OTUD7A: variants seen among roughly 807,000 people sequenced by gnomAD.
OTUD7A encodes OTU domain-containing protein 7A.
In OTUD7A, 12 loss-of-function variants were observed where a neutral mutation model predicts 65.7. The observed-to-expected ratio is 0.18, with a 90% confidence interval of 0.12 to 0.30. The LOEUF is 0.30. Among genes scored for constraint, OTUD7A ranks in the 10% least tolerant of loss-of-function variants. The pLI, the probability that OTUD7A is intolerant of heterozygous loss-of-function variation, is 1.00. For synonymous variants in OTUD7A, 641 were observed against 586.3 expected (o/e 1.09, Z -1.35); for missense variants, 1,148 against 1,304.8 (o/e 0.88, Z 1.85).
intron 4 of OTUD7A, among the ~76,000 whole-genome samples, chr15:31,566,186 A>G (rs971865665): frequency 4.4e-5 from 6 of 136,820 alleles, no homozygotes; most frequent in Non-Finnish European, 9.1e-5. Flanking sequence ...GTGAGACTCC[A>G]TCTCAAAAGA....
In OTUD7A at chr15:31,570,061, C is replaced by T; in HGVS notation, c.288G>A (p.Lys96=). The change falls in exon 4 of 13, where the codon AAG becomes AAA. Residue 96 remains lysine, a synonymous_variant. Coordinates refer to ENST00000307050, the MANE Select transcript of OTUD7A (RefSeq NM_001382637.1). ...GCCTCTGCAGGCAGGGTCGCTCCAC[C>T]TTGTGCCCGGGCTGTGGCTCTCGCT... ...QPEREPQPGH[K]VERPCLQRQD... is the part of the protein sequence containing the mutation. 1 of 1,614,222 alleles carries T rather than the reference C, an allele frequency of 6.2e-7. No homozygotes were observed.
At chr15:31,656,845 G>C (rs906137414) in intron 2 of OTUD7A, 138 bp downstream of exon 2, 1 of 152,202 alleles carries the variant, frequency 6.6e-6, no homozygotes, top group African/African-American at 2.4e-5. Flanking sequence ...TAACGTGCAA[G>C]ACCCTGAGGA....
At chr15:31,576,967 C>G (rs1889221628) in intron 3 of OTUD7A, among the ~76,000 whole-genome samples, 1 of 152,064 alleles carries the variant, frequency 6.6e-6, no homozygotes, top group East Asian at 1.9e-4. Flanking sequence ...CACAACAGAC[C>G]AGCATTAACA....
At chr15:31,499,041 C>A (rs553294942) in intron 10 of OTUD7A, among the ~76,000 whole-genome samples, 1 of 152,078 alleles carries the variant, frequency 6.6e-6, no homozygotes, top group African/African-American at 2.4e-5. Context: ...GAGAGGCACT[C>A]GATGAGAAGT....
intron 3 of OTUD7A, among the ~76,000 whole-genome samples, chr15:31,633,806 C>A (rs1469988226): frequency 2.6e-5 from 4 of 152,180 alleles, no homozygotes; most frequent in Non-Finnish European, 5.9e-5. Context: ...CCCTCAGAGC[C>A]CACACTCCAT....
intron 8 of OTUD7A, among the ~76,000 whole-genome samples, chr15:31,510,089 T>C (rs1283390205): frequency 6.6e-6 from 1 of 152,012 alleles, no homozygotes; most frequent in Non-Finnish European, 1.5e-5. Flanking sequence ...CCTGTTTTTT[T>C]TTTTTTTCCC....
At chr15:31,582,059 A>G (rs1261122710) in intron 3 of OTUD7A, among the ~76,000 whole-genome samples, 1 of 152,298 alleles carries the variant, frequency 6.6e-6, no homozygotes, top group Non-Finnish European at 1.5e-5. Flanking sequence ...TTTGCTACTC[A>G]GAAATTTCGT....
chr15:31,749,341 C>T (rs1008053704), intron 1 of OTUD7A, among the ~76,000 whole-genome samples: 1 of 152,084 alleles, frequency 6.6e-6, no homozygotes, highest in East Asian at 1.9e-4. Context: ...AGTGAGCTCT[C>T]GTACACTGCT....
chr15:31,595,582 G>A (rs573307606), intron 3 of OTUD7A, among the ~76,000 whole-genome samples: 9 of 152,256 alleles, frequency 5.9e-5, no homozygotes, highest in African/African-American at 9.6e-5. Context: ...AATCCCTCTG[G>A]CATCATTTCC....
At chr15:31,646,817 T>C (rs898555848) in intron 3 of OTUD7A, among the ~76,000 whole-genome samples, 5 of 152,162 alleles carry the variant, frequency 3.3e-5, no homozygotes, top group East Asian at 1.9e-4. Context: ...ACCAACAAAA[T>C]AGGCCAGTGA....
rs1473448908 is a variant in OTUD7A, at chr15:31,802,135, G to A, written c.-100+68372C>T. ...TGTGTGTGTGTGTGTGTGTGTGTGTGTGTGTGTATATATATATATGTAAAG... is the reference window on the plus strand; with the variant it reads ...TGTGTGTGTGTGTGTGTGTGTGTGTATGTGTGTATATATATATATGTAAAG... On this transcript the variant is annotated intron_variant, in intron 1 of 12. Coordinates refer to ENST00000307050, the MANE Select transcript of OTUD7A (RefSeq NM_001382637.1). 7.1e-3 allele frequency among the ~76,000 whole-genome samples: 877 copies of A among 123,910 alleles called. 14 individuals are homozygous for A. The highest frequency in any genetic ancestry group is 0.025 in the African/African-American group (822 of 32,724). The allele number at this position is 123,910 out of a possible 152,430, so 81.3% of individuals were successfully genotyped here. A position where few individuals can be genotyped will look rare whatever the true frequency, so the allele number is the denominator to read the frequency against.
chr15:31,848,967 C>T (rs1161116311), intron 1 of OTUD7A, among the ~76,000 whole-genome samples: 1 of 152,194 alleles, frequency 6.6e-6, no homozygotes, highest in African/African-American at 2.4e-5. Context: ...TTTTATTTCT[C>T]CTTCACTTAT....
chr15:31,639,529 T>C (rs1488047598), intron 3 of OTUD7A, among the ~76,000 whole-genome samples: 1 of 149,992 alleles, frequency 6.7e-6, no homozygotes, highest in Non-Finnish European at 1.5e-5. Flanking sequence ...AGTAAATAAA[T>C]AGGAGTAAAA....
intron 8 of OTUD7A, among the ~76,000 whole-genome samples, chr15:31,508,010 T>C (rs1275291389): frequency 6.6e-6 from 1 of 152,188 alleles, no homozygotes; most frequent in Non-Finnish European, 1.5e-5. Context: ...GTGAAAAGGC[T>C]AGCTGTCATT....
chr15:31,722,435 A>G (rs1002759077), intron 1 of OTUD7A, among the ~76,000 whole-genome samples: 12 of 152,254 alleles, frequency 7.9e-5, no homozygotes, highest in Non-Finnish European at 1.5e-4. Flanking sequence ...ATGGGTGCCC[A>G]CCGACTCCAA....
intron 1 of OTUD7A, among the ~76,000 whole-genome samples, chr15:31,748,250 A>C (rs571237358): frequency 3.9e-5 from 6 of 152,186 alleles, no homozygotes; most frequent in African/African-American, 1.2e-4. Flanking sequence ...GAAAATATGC[A>C]CTGAAATTTT....
chr15:31,810,092 C>T (rs1325391837), intron 1 of OTUD7A, among the ~76,000 whole-genome samples: 1 of 152,168 alleles, frequency 6.6e-6, no homozygotes, highest in Admixed American at 6.5e-5. Flanking sequence ...CAAGGTGGTG[C>T]AGATGGTGCA....
chr15:31,773,656 C>T (rs4328402), intron 1 of OTUD7A, among the ~76,000 whole-genome samples: 31,232 of 152,088 alleles, frequency 0.21, 3,549 homozygotes, highest in Admixed American at 0.28. Flanking sequence ...CACTATTAAC[C>T]ATCTATATAA....
At chr15:31,495,291 T>C (rs1236952141) in intron 10 of OTUD7A, among the ~76,000 whole-genome samples, 3 of 152,220 alleles carry the variant, frequency 2.0e-5, no homozygotes, top group Non-Finnish European at 4.4e-5. Context: ...AGCAGATGTA[T>C]TGTGGATAAA....
Sources: gnomAD v4.1 joint callset for allele counts (sites outside exome capture counted in the v4.1 genomes callset) on GRCh38, gnomAD v4.1.1 for gene constraint, MANE v1.5 for transcripts, NCBI Gene and HGNC (gene_info 2026-07-23, HGNC 2026-07-21) for gene names.